The following ZNF804B variants were observed in gnomAD, a reference collection of about 807,000 sequenced individuals.
The protein encoded by ZNF804B is zinc finger protein 804B.
Under a neutral mutation model 101.4 loss-of-function variants are expected in ZNF804B, and 80 were observed. That is an observed-to-expected ratio of 0.79 (90% confidence interval 0.66 to 0.95). ZNF804B has a LOEUF of 0.95. Among genes scored for constraint, ZNF804B ranks in the 40% least tolerant of loss-of-function variants. The probability of loss-of-function intolerance (pLI) is 0.00; values close to 1 mark genes in which losing one functional copy is unlikely to be tolerated. For synonymous variants in ZNF804B, 622 were observed against 558.8 expected, an observed-to-expected ratio of 1.11 and a Z score of -1.59; for missense variants, 1,673 against 1,561.9, an observed-to-expected ratio of 1.07 and a Z score of -1.20.
intron 1 of ZNF804B, among the ~76,000 whole-genome samples, chr7:88,946,366 A>T (rs1172956819): frequency 2.0e-5 from 3 of 151,516 alleles, no homozygotes; most frequent in Non-Finnish European, 4.4e-5. Context: ...GGTTTTTGTC[A>T]TTGGTTCTGT....
intron 1 of ZNF804B, among the ~76,000 whole-genome samples, chr7:89,099,177 T>A (rs1191725608): frequency 6.6e-6 from 1 of 151,898 alleles, no homozygotes; most frequent in Non-Finnish European, 1.5e-5. Context: ...TTGGCTGTGA[T>A]GATTTCATCC....
intron 1 of ZNF804B, among the ~76,000 whole-genome samples, chr7:88,930,293 T>G (rs1037453413): frequency 6.6e-6 from 1 of 151,910 alleles, no homozygotes; most frequent in African/African-American, 2.4e-5. Context: ...TTAAAGATAA[T>G]AGCAATGTTG....
chr7:89,259,023 AC>A (rs1789674882), intron 2 of ZNF804B, among the ~76,000 whole-genome samples: 1 of 152,128 alleles, frequency 6.6e-6, no homozygotes, highest in South Asian at 2.1e-4. Context: ...TTCTACAGTT[AC>A]CAATCCTTTC....
chr7:89,238,393 A>G (rs1251725962), intron 2 of ZNF804B, among the ~76,000 whole-genome samples: 1 of 152,090 alleles, frequency 6.6e-6, no homozygotes, highest in African/African-American at 2.4e-5. Flanking sequence ...GTGGGTCATG[A>G]CTCATTATGG....
At chr7:88,974,145 A>G (rs1160193258) in intron 1 of ZNF804B, among the ~76,000 whole-genome samples, 1 of 151,362 alleles carries the variant, frequency 6.6e-6, no homozygotes, top group Non-Finnish European at 1.5e-5. Context: ...CTGACTGCCA[A>G]CTGCAGATAG....
At chr7:89,065,095 T>C (rs1789439191) in intron 1 of ZNF804B, among the ~76,000 whole-genome samples, 1 of 152,094 alleles carries the variant, frequency 6.6e-6, no homozygotes, top group Admixed American at 6.5e-5. Flanking sequence ...TCAGAAGAAA[T>C]ACTTCCATGA....
intron 1 of ZNF804B, among the ~76,000 whole-genome samples, chr7:88,849,646 C>A (rs1428840114): frequency 6.6e-6 from 1 of 151,342 alleles, no homozygotes; most frequent in African/African-American, 2.4e-5. Flanking sequence ...ATCACAGGTG[C>A]CCGCCACCAC....
intron 1 of ZNF804B, chr7:88,794,384 G>A: frequency 1.9e-6 from 3 of 1,613,788 alleles, no homozygotes; most frequent in Non-Finnish European, 2.5e-6. Flanking sequence ...TTCATAGTCT[G>A]GCAAAGGTAG....
At chr7:89,317,577 C>T (rs705367) in intron 2 of ZNF804B, among the ~76,000 whole-genome samples, 5,700 of 152,276 alleles carry the variant, frequency 0.037, 164 homozygotes, top group African/African-American at 0.073. Flanking sequence ...CTGGAAAAGA[C>T]AGATGGAGTG....
chr7:89,087,036 A>G (rs935799242), intron 1 of ZNF804B, among the ~76,000 whole-genome samples: 2 of 138,900 alleles, frequency 1.4e-5, no homozygotes, highest in East Asian at 2.1e-4. Flanking sequence ...AATAAAATAC[A>G]TAATAACTTT....
chr7:88,926,808 C>T (rs535537235), intron 1 of ZNF804B, among the ~76,000 whole-genome samples: 8 of 152,056 alleles, frequency 5.3e-5, no homozygotes, highest in East Asian at 1.9e-4. Flanking sequence ...GTCCAGCTTC[C>T]GAATTACCCT....
At chr7:89,175,813 T>C (rs1352006386) in intron 1 of ZNF804B, among the ~76,000 whole-genome samples, 1 of 152,062 alleles carries the variant, frequency 6.6e-6, no homozygotes, top group African/African-American at 2.4e-5. Flanking sequence ...CCTAGGTATT[T>C]TATTTTGTTT....
In ZNF804B at chr7:89,334,060, C is replaced by G; in HGVS notation, c.1078C>G (p.Pro360Ala). The stretch of plus-strand genomic sequence containing the variant: ...CACTTTAGAAAATTGTGTTAATCAC[C>G]CATGCCAAGCAAATGCTTCCTTCAG... ...KNTLENCVNH[P>A]CQANASFSPP... Residue 360 changes from proline (P) to alanine (A), a missense_variant, in exon 4 of 4, where the codon CCA becomes GCA. Pro to Ala is a conservative substitution (Grantham distance 27). Transcript: ENST00000333190. 2.5e-6 allele frequency: 4 copies of G among 1,613,468 alleles called. No individual in the cohort carries two copies. The highest frequency in any genetic ancestry group is 3.4e-6 in the Non-Finnish European group (4 of 1,179,746).
At chr7:88,804,307 A>T (rs1441779164) in intron 1 of ZNF804B, among the ~76,000 whole-genome samples, 2 of 152,124 alleles carry the variant, frequency 1.3e-5, no homozygotes, top group Admixed American at 1.3e-4. Flanking sequence ...GTTTTTACCT[A>T]TTAAAAACTA....
intron 1 of ZNF804B, among the ~76,000 whole-genome samples, chr7:89,153,255 T>G (rs1044203696): frequency 1.3e-5 from 2 of 151,404 alleles, no homozygotes; most frequent in African/African-American, 2.4e-5. Context: ...CCAACAGAGG[T>G]CACCCAAAGG....
intron 2 of ZNF804B, among the ~76,000 whole-genome samples, chr7:89,306,755 T>A (rs1455845401): frequency 6.6e-6 from 1 of 151,888 alleles, no homozygotes; most frequent in Non-Finnish European, 1.5e-5. Flanking sequence ...GAAATGGTTA[T>A]AACTTGTATA....
At chr7:89,162,505 A>G (rs1015488493) in intron 1 of ZNF804B, among the ~76,000 whole-genome samples, 19 of 152,242 alleles carry the variant, frequency 1.2e-4, no homozygotes, top group Admixed American at 8.5e-4. Flanking sequence ...TGTTTGGGAA[A>G]ATAATCCTAA....
intron 1 of ZNF804B, among the ~76,000 whole-genome samples, chr7:89,080,077 C>T (rs1331181738): frequency 6.6e-6 from 1 of 151,424 alleles, no homozygotes; most frequent in Non-Finnish European, 1.5e-5. Flanking sequence ...TGAAGGTAGG[C>T]TAGTCCTGAA....
chr7:88,794,119 G>T (rs763839046), intron 1 of ZNF804B: 12 of 1,366,514 alleles, frequency 8.8e-6, no homozygotes, highest in Middle Eastern at 1.9e-4. Flanking sequence ...CTTTAAAAAT[G>T]TTTTTTTTAT....
Sources: allele counts gnomAD v4.1 joint callset (sites outside exome capture counted in the v4.1 genomes callset), GRCh38; gene constraint gnomAD v4.1.1; transcripts MANE v1.5; gene names NCBI Gene and HGNC (gene_info 2026-07-23, HGNC 2026-07-21).